Variants in DNAJC3 observed in about 807,000 individuals in gnomAD.
The protein encoded by DNAJC3 is DnaJ heat shock protein family (Hsp40) member C3.
DNAJC3 carries 38 observed loss-of-function variants against 68.6 expected under a neutral mutation model. That is an observed-to-expected ratio of 0.55 (90% CI 0.43 to 0.73). The LOEUF is 0.73. Ranked by LOEUF, DNAJC3 falls within the 30% of genes least tolerant of loss-of-function variation. The pLI, the probability that DNAJC3 is intolerant of heterozygous loss-of-function variation, is 0.00. For synonymous variants in DNAJC3, 203 were observed against 204.0 expected, an observed-to-expected ratio of 1.00 and a Z score of 0.04; for missense variants, 526 against 591.9, an observed-to-expected ratio of 0.89 and a Z score of 1.16.
Position 95,705,044 on chromosome 13 carries a change from G to T in DNAJC3, c.83-4183G>T, listed in dbSNP as rs1593964330. Among the ~76,000 whole-genome samples the T allele has an allele frequency of 2.6e-5, 4 of 151,926 alleles. No homozygotes were observed. The South Asian group carries it at 8.3e-4, about 32-fold the overall frequency. On this transcript the variant is annotated intron_variant, in intron 1 of 11. Coordinates refer to ENST00000602402, the MANE Select transcript of DNAJC3 (RefSeq NM_006260.5). Reference sequence around the variant, plus strand: ...TCTCTGTATTTTTAGTAGAGATGGGGTTTTGCCACGTTGGCCAGGCTAGTC... The same window carrying T: ...TCTCTGTATTTTTAGTAGAGATGGGTTTTTGCCACGTTGGCCAGGCTAGTC...
At chr13:95,692,167 G>A (rs1479679247) in intron 1 of DNAJC3, among the ~76,000 whole-genome samples, 4 of 152,076 alleles carry the variant, frequency 2.6e-5, no homozygotes, top group African/African-American at 9.7e-5. Context: ...CTTTTTTTGA[G>A]TTTATTGAAA....
At chr13:95,753,267 G>A (rs1218212373) in intron 4 of DNAJC3, among the ~76,000 whole-genome samples, 1 of 152,146 alleles carries the variant, frequency 6.6e-6, no homozygotes, top group Non-Finnish European at 1.5e-5. Flanking sequence ...CTTTAATTCA[G>A]TCGCTCACCC....
chr13:95,700,644 G>A (rs1164252505), intron 1 of DNAJC3, among the ~76,000 whole-genome samples: 1 of 152,246 alleles, frequency 6.6e-6, no homozygotes, highest in African/African-American at 2.4e-5. Context: ...GAAATAAGGA[G>A]TTCAGTGCTT....
At chr13:95,734,420 A>G (rs1424548113) in intron 4 of DNAJC3, among the ~76,000 whole-genome samples, 2 of 152,186 alleles carry the variant, frequency 1.3e-5, no homozygotes, top group East Asian at 3.8e-4. Context: ...ATAAATGACT[A>G]AATGTTTTTA....
At chr13:95,785,370 G>A (rs180933571) in intron 9 of DNAJC3, among the ~76,000 whole-genome samples, 7 of 151,886 alleles carry the variant, frequency 4.6e-5, no homozygotes, top group Admixed American at 4.6e-4. Context: ...GCGGGAGGGT[G>A]GGCAAGTAAA....
At chr13:95,680,869 G>A (rs563834833) in intron 1 of DNAJC3, among the ~76,000 whole-genome samples, 1 of 152,224 alleles carries the variant, frequency 6.6e-6, no homozygotes, top group Non-Finnish European at 1.5e-5. Context: ...TCTTCAGAAC[G>A]CAAACATTTC....
intron 4 of DNAJC3, among the ~76,000 whole-genome samples, chr13:95,751,965 TC>T: frequency 6.6e-6 from 1 of 152,196 alleles, no homozygotes; most frequent in East Asian, 1.9e-4. Flanking sequence ...AGGGACCCAC[TC>T]CCGTGATACA....
At chr13:95,739,585 C>T (rs1167908156) in intron 4 of DNAJC3, among the ~76,000 whole-genome samples, 20 of 152,260 alleles carry the variant, frequency 1.3e-4, no homozygotes, top group African/African-American at 1.2e-4. Context: ...CATCTTCCAT[C>T]GCTGATACCC....
At chr13:95,699,660 A>G (rs1210197162) in intron 1 of DNAJC3, among the ~76,000 whole-genome samples, 1 of 152,194 alleles carries the variant, frequency 6.6e-6, no homozygotes, top group African/African-American at 2.4e-5. Context: ...CCTTGGGCAG[A>G]ATGGTTAACT....
chr13:95,739,078 T>C lies in DNAJC3; in HGVS notation c.393+13826T>C, dbSNP rs532253512. ...TAAAGGATTTTATTTCTCCTTCACTTATGAAGCTTAGTTTGGCTGGATATG... is the reference window on the plus strand; with the variant it reads ...TAAAGGATTTTATTTCTCCTTCACTCATGAAGCTTAGTTTGGCTGGATATG... On this transcript the variant is annotated intron_variant, in intron 4 of 11. Coordinates refer to ENST00000602402, the MANE Select transcript of DNAJC3 (RefSeq NM_006260.5). Among the ~76,000 whole-genome samples, 736 of 152,256 alleles carry C rather than the reference T, an allele frequency of 4.8e-3. 3 individuals are homozygous for C. The highest frequency in any genetic ancestry group is 0.048 in the Middle Eastern group (14 of 294).
intron 2 of DNAJC3, among the ~76,000 whole-genome samples, chr13:95,722,654 T>C (rs1366227094): frequency 6.6e-6 from 1 of 150,448 alleles, no homozygotes; most frequent in African/African-American, 2.4e-5. Context: ...GGAATACGCC[T>C]GTTGTCTCAG....
At chr13:95,709,628 CTTTTTTTTT>C (rs955053415) in intron 2 of DNAJC3, among the ~76,000 whole-genome samples, 1 of 112,180 alleles carries the variant, frequency 8.9e-6, no homozygotes, top group Admixed American at 9.4e-5. Flanking sequence ...TGGCTTCTGA[CTTTTTTTTT>C]TTTTTTTTTT....
intron 4 of DNAJC3, among the ~76,000 whole-genome samples, chr13:95,737,773 G>C (rs1291054735): frequency 6.8e-6 from 1 of 146,360 alleles, no homozygotes; most frequent in East Asian, 2.0e-4. Flanking sequence ...CAAAAAACCA[G>C]CTCCTGGATT....
chr13:95,730,663 G>T (rs754003865), intron 4 of DNAJC3, among the ~76,000 whole-genome samples: 34 of 152,114 alleles, frequency 2.2e-4, no homozygotes, highest in Non-Finnish European at 3.8e-4. Flanking sequence ...CTGTTCCATT[G>T]ATGTATGTGT....
intron 1 of DNAJC3, among the ~76,000 whole-genome samples, chr13:95,702,086 C>T (rs1880600129): frequency 6.6e-6 from 1 of 152,172 alleles, no homozygotes; most frequent in Admixed American, 6.5e-5. Context: ...AATACTTTAA[C>T]AGGCATATAA....
chr13:95,717,842 A>G (rs1485945825), intron 2 of DNAJC3, among the ~76,000 whole-genome samples: 1 of 152,196 alleles, frequency 6.6e-6, no homozygotes, highest in Non-Finnish European at 1.5e-5. Context: ...TTTTTAAAAA[A>G]ATACCCAGTC....
At chr13:95,685,329 G>A (rs1880044152) in intron 1 of DNAJC3, among the ~76,000 whole-genome samples, 1 of 152,230 alleles carries the variant, frequency 6.6e-6, no homozygotes, top group Non-Finnish European at 1.5e-5. Context: ...TTTAGCACGT[G>A]CATGGGGCCC....
chr13:95,704,308 A>C (rs1242613373), intron 1 of DNAJC3, among the ~76,000 whole-genome samples: 1 of 152,164 alleles, frequency 6.6e-6, no homozygotes. Context: ...CTACTTTTTG[A>C]TTCCTGGACT....
At chr13:95,742,585 T>C in intron 4 of DNAJC3, 1 of 472,982 alleles carries the variant, frequency 2.1e-6, no homozygotes, top group Non-Finnish European at 4.2e-6. Flanking sequence ...TTTGGGCTCT[T>C]ATCCCAGCCA....
Sources: allele counts gnomAD v4.1 joint callset (sites outside exome capture counted in the v4.1 genomes callset), GRCh38; gene constraint gnomAD v4.1.1; transcripts MANE v1.5; gene names NCBI Gene and HGNC (gene_info 2026-07-23, HGNC 2026-07-21).